HMGN3: variants seen among roughly 807,000 people sequenced by gnomAD.
HMGN3 encodes the protein high mobility group nucleosomal binding domain 3.
HMGN3 carries 6 observed loss-of-function variants against 18.8 expected under a neutral mutation model. The observed-to-expected ratio is 0.32, with a 90% confidence interval of 0.18 to 0.63. HMGN3 has a LOEUF of 0.63. Ranked by LOEUF, HMGN3 falls within the 30% of genes least tolerant of loss-of-function variation. The pLI is 0.79. For missense variants in HMGN3, 107 were observed against 114.2 expected, an observed-to-expected ratio of 0.94 and a Z score of 0.29; for synonymous variants, 40 against 36.5, an observed-to-expected ratio of 1.10 and a Z score of -0.35.
intron 1 of HMGN3, among the ~76,000 whole-genome samples, chr6:79,223,021 T>C (rs1777379952): frequency 6.6e-6 from 1 of 152,224 alleles, no homozygotes; most frequent in Non-Finnish European, 1.5e-5. Context: ...TGTGCCAGTA[T>C]GTTCAGTGAA....
chr6:79,231,754 T>C (rs2127843552), intron 1 of HMGN3, among the ~76,000 whole-genome samples: 1 of 152,354 alleles, frequency 6.6e-6, no homozygotes, highest in East Asian at 1.9e-4. Flanking sequence ...ACCCACACTT[T>C]TAAGACCAGC....
chr6:79,209,279 A>G (rs1261005816), intron 2 of HMGN3, among the ~76,000 whole-genome samples: 1 of 152,214 alleles, frequency 6.6e-6, no homozygotes, highest in African/African-American at 2.4e-5. Context: ...GGATATTACA[A>G]GTTAACAGCA....
chr6:79,209,862 C>G (rs1776600326), intron 2 of HMGN3, among the ~76,000 whole-genome samples: 1 of 152,188 alleles, frequency 6.6e-6, no homozygotes, highest in East Asian at 1.9e-4. Flanking sequence ...GCCAGAGCCT[C>G]CATGAATACT....
chr6:79,208,682 A>G (rs1379960463), intron 2 of HMGN3, 106 bp from the exon 3 acceptor site: 2 of 885,350 alleles, frequency 2.3e-6, no homozygotes, highest in African/African-American at 1.6e-5. Context: ...GAATGACTAT[A>G]ATGTATGATT....
chr6:79,232,164 T>C (rs148733568), intron 1 of HMGN3, among the ~76,000 whole-genome samples: 1 of 152,340 alleles, frequency 6.6e-6, no homozygotes, highest in East Asian at 1.9e-4. Context: ...AGTATGTAAA[T>C]GCTTTGGCAG....
intron 1 of HMGN3, among the ~76,000 whole-genome samples, chr6:79,227,563 G>A (rs1463427223): frequency 6.6e-6 from 1 of 151,958 alleles, no homozygotes; most frequent in Non-Finnish European, 1.5e-5. Context: ...TCAGGCACTG[G>A]GCTAAGTTCT....
intron 1 of HMGN3, among the ~76,000 whole-genome samples, chr6:79,223,498 G>A (rs1173847181): frequency 1.3e-5 from 2 of 151,972 alleles, no homozygotes; most frequent in Admixed American, 6.6e-5. Context: ...GTGACAGAGC[G>A]AGACTCTATC....
chr6:79,226,004 T>C (rs971460367), intron 1 of HMGN3, among the ~76,000 whole-genome samples: 1 of 152,236 alleles, frequency 6.6e-6, no homozygotes, highest in Non-Finnish European at 1.5e-5. Flanking sequence ...GATTCCTCCA[T>C]GTTTCATTCA....
At chr6:79,232,600 A>T (rs1476513505) in intron 1 of HMGN3, among the ~76,000 whole-genome samples, 1 of 149,046 alleles carries the variant, frequency 6.7e-6, no homozygotes, top group Non-Finnish European at 1.5e-5. Context: ...CTGTTATTTT[A>T]GTTTTTTTTT....
At chr6:79,211,465 GTTTT>G (rs58861121) in intron 2 of HMGN3, among the ~76,000 whole-genome samples, 4 of 135,356 alleles carry the variant, frequency 3.0e-5, no homozygotes, top group African/African-American at 5.4e-5. Context: ...AATTTCTCTT[GTTTT>G]TTTTTTTTTT....
chr6:79,227,962 C>A lies in HMGN3; in HGVS notation c.15+6584G>T, dbSNP rs1303655909. On this transcript the variant is annotated intron_variant, in intron 1 of 5. Transcript: ENST00000344726. ...TTAGGATTACAAAACAAAATTAAAT[C>A]AAAAATAGGTAATCAATCAAATAAC... Among the ~76,000 whole-genome samples, 5 of 152,028 alleles carry A rather than the reference C, an allele frequency of 3.3e-5. No individual in the cohort carries two copies. The East Asian group carries it at 7.7e-4, about 23-fold the overall frequency.
In HMGN3 at chr6:79,209,868, A is replaced by G. The variant is rs1315206485; in HGVS notation, c.67-1292T>C. Among the ~76,000 whole-genome samples, 9 of 152,208 alleles carry G rather than the reference A, an allele frequency of 5.9e-5. No individual in the cohort carries two copies. The East Asian group carries it at 1.5e-3, about 26-fold the overall frequency. ...AAACGAAGGGCCAGAGCCTCCATGA[A>G]TACTTTTAACCCTGGAGTCTCGAAG... On this transcript the variant is annotated intron_variant, in intron 2 of 5. Transcript: ENST00000344726.
intron 2 of HMGN3, among the ~76,000 whole-genome samples, chr6:79,212,043 T>TAACAAAA (rs1554164671): frequency 7.0e-6 from 1 of 143,770 alleles, no homozygotes; most frequent in Non-Finnish European, 1.5e-5. Context: ...CTTTTAATTC[T>TAACAAAA]AAAAAAAAAA....
intron 3 of HMGN3, among the ~76,000 whole-genome samples, chr6:79,204,010 GCCTT>G (rs1776282012): frequency 1.3e-5 from 2 of 152,210 alleles, no homozygotes; most frequent in South Asian, 4.1e-4. Context: ...AGTTGCACTG[GCCTT>G]CCTAACAGTC....
intron 1 of HMGN3, among the ~76,000 whole-genome samples, chr6:79,221,940 G>A (rs1582433855): frequency 8.9e-6 from 1 of 111,748 alleles, no homozygotes; most frequent in African/African-American, 3.0e-5. Flanking sequence ...GGTACATGTA[G>A]TACAAATTCA....
intron 1 of HMGN3, among the ~76,000 whole-genome samples, chr6:79,233,368 AGAAGGGGAAAGCTTTT>A (rs1190499889): frequency 1.3e-5 from 2 of 152,204 alleles, no homozygotes; most frequent in African/African-American, 4.8e-5. Flanking sequence ...ATAACATATA[AGAAGGGGAAAGCTTTT>A]GAATTTTTAA....
intron 3 of HMGN3, among the ~76,000 whole-genome samples, chr6:79,208,145 T>C (rs750268866): frequency 6.6e-6 from 1 of 152,204 alleles, no homozygotes; most frequent in South Asian, 2.1e-4. Context: ...CTACAGTATA[T>C]GGACTCAGAC....
intron 1 of HMGN3, among the ~76,000 whole-genome samples, chr6:79,232,795 C>T (rs1195779900): frequency 6.6e-6 from 1 of 152,070 alleles, no homozygotes; most frequent in Non-Finnish European, 1.5e-5. Context: ...AAAAAGATGG[C>T]CTCCAGCTCA....
At position 79,211,694 on chromosome 6, in the gene HMGN3, T is replaced by A. The variant is rs887781360; in HGVS notation, c.67-3118A>T. Among the ~76,000 whole-genome samples, 4 of 152,136 alleles carry A rather than the reference T, an allele frequency of 2.6e-5. No homozygotes were observed. The South Asian group carries it at 8.3e-4, about 32-fold the overall frequency. ...CGACAAATGTGAGGGTTTGCCACTA[T>A]GGTATATAGGTGCTGGTCACAGTGG... On this transcript the variant is annotated intron_variant, in intron 2 of 5. Transcript: ENST00000344726.
Sources: allele counts gnomAD v4.1 joint callset (sites outside exome capture counted in the v4.1 genomes callset), GRCh38; gene constraint gnomAD v4.1.1; transcripts MANE v1.5; gene names NCBI Gene and HGNC (gene_info 2026-07-23, HGNC 2026-07-21).